The following WDR72 variants were observed in gnomAD, a reference collection of about 807,000 sequenced individuals.
WDR72 encodes the protein WD repeat-containing protein 72.
In WDR72, 120 loss-of-function variants were observed where a neutral mutation model predicts 124.2. The observed-to-expected ratio is 0.97, with a 90% CI of 0.83 to 1.12. The LOEUF (loss-of-function observed/expected upper bound fraction) is 1.12, where lower values mean the gene tolerates loss of function less well. WDR72 is among the 50% of genes most tolerant of loss of function. The probability of loss-of-function intolerance (pLI) is 0.00; values close to 1 mark genes in which losing one functional copy is unlikely to be tolerated. For missense variants in WDR72, 1,387 were observed against 1,278.8 expected (o/e 1.08, Z -1.29); for synonymous variants, 452 against 441.7 (o/e 1.02, Z -0.29).
At chr15:53,633,666 T>C (rs1487083468) in intron 14 of WDR72, among the ~76,000 whole-genome samples, 1 of 152,216 alleles carries the variant, frequency 6.6e-6, no homozygotes, top group Non-Finnish European at 1.5e-5. Flanking sequence ...ATTGTAGTCA[T>C]TGTACTGATT....
intron 17 of WDR72, among the ~76,000 whole-genome samples, chr15:53,606,258 T>A (rs1462540109): frequency 6.6e-6 from 1 of 152,198 alleles, no homozygotes; most frequent in African/African-American, 2.4e-5. Flanking sequence ...TTTTTAATAA[T>A]TTTTTCCCCA....
intron 13 of WDR72, among the ~76,000 whole-genome samples, chr15:53,667,944 A>G (rs2015836323): frequency 6.6e-6 from 1 of 152,214 alleles, no homozygotes; most frequent in Non-Finnish European, 1.5e-5. Flanking sequence ...TTTCATTCAT[A>G]CACAGATAAT....
intron 9 of WDR72, among the ~76,000 whole-genome samples, chr15:53,706,350 G>GTATATATATATA (rs56246540): frequency 2.7e-4 from 7 of 25,750 alleles, no homozygotes; most frequent in Non-Finnish European, 5.2e-4. Context: ...GTGTGTGTGT[G>GTATATATATATA]TATATATATA....
intron 1 of WDR72, among the ~76,000 whole-genome samples, chr15:53,739,401 C>A (rs2140876570): frequency 6.6e-6 from 1 of 152,318 alleles, no homozygotes; most frequent in South Asian, 2.1e-4. Flanking sequence ...ATTACTGCCT[C>A]TGATGGCAAC....
intron 1 of WDR72, among the ~76,000 whole-genome samples, chr15:53,752,721 C>T (rs761171582): frequency 2.0e-5 from 3 of 152,084 alleles, no homozygotes; most frequent in African/African-American, 4.8e-5. Context: ...TTGTTTCTTT[C>T]GAGTCAGAAT....
At chr15:53,706,366 A>ATATATGTGTGTG (rs2017370287) in intron 9 of WDR72, among the ~76,000 whole-genome samples, 1 of 49,402 alleles carries the variant, frequency 2.0e-5, no homozygotes, top group African/African-American at 7.8e-5. Flanking sequence ...ATATATATAT[A>ATATATGTGTGTG]TATATATATA....
In WDR72 at chr15:53,740,580, G is replaced by GC. The variant is rs200917140; in HGVS notation, c.-12-7420dup. On this transcript the variant is annotated intron_variant, in intron 1 of 19. Coordinates refer to ENST00000360509, the MANE Select transcript of WDR72 (RefSeq NM_182758.4). ...CAAAGTGCTGGGATTACAGGCGTGAGCCACGATTCAACTAATTTTGATGCT... is the reference window on the plus strand; with the variant it reads ...CAAAGTGCTGGGATTACAGGCGTGAGCCCACGATTCAACTAATTTTGATGCT... Among the ~76,000 whole-genome samples the GC allele has an allele frequency of 6.7e-3, 1,027 of 152,322 alleles. 12 individuals are homozygous for GC. Among genetic ancestry groups the GC allele is most frequent in the African/African-American group, 0.024 (977 of 41,566 alleles).
chr15:53,761,101 G>T (rs1388244464), upstream of WDR72, among the ~76,000 whole-genome samples: 1 of 152,112 alleles, frequency 6.6e-6, no homozygotes, highest in Non-Finnish European at 1.5e-5. Context: ...TCCAACCTGG[G>T]TGTCAGAGTG....
intron 5 of WDR72, 49 bp downstream of exon 5, chr15:53,715,144 A>G (rs1447584642): frequency 3.1e-6 from 5 of 1,589,020 alleles, no homozygotes; most frequent in Non-Finnish European, 4.3e-6. Flanking sequence ...TCAAAAGTAG[A>G]TATTTTTATA....
In WDR72 at chr15:53,551,875, C is replaced by A. The variant is rs976255332; in HGVS notation, c.3149-28553G>T. On this transcript the variant is annotated intron_variant, in intron 18 of 19. Coordinates refer to ENST00000360509, the MANE Select transcript of WDR72 (RefSeq NM_182758.4). ...ACACAGACACACACACACACACACA[C>A]AAACACACGCACATGTACATGCAAT... Among the ~76,000 whole-genome samples, 19 of 152,096 alleles carry A rather than the reference C, an allele frequency of 1.2e-4. 1 individual carries two copies. Among genetic ancestry groups the A allele is most frequent in the Admixed American group, 1.2e-3 (18 of 15,272 alleles).
intron 17 of WDR72, among the ~76,000 whole-genome samples, chr15:53,598,762 T>G (rs1028648124): frequency 6.6e-6 from 1 of 152,188 alleles, no homozygotes; most frequent in South Asian, 2.1e-4. Flanking sequence ...CATACTAACA[T>G]GAGGTACTGC....
chr15:53,562,039 C>T (rs1450596353), intron 18 of WDR72, among the ~76,000 whole-genome samples: 3 of 151,682 alleles, frequency 2.0e-5, no homozygotes, highest in Admixed American at 6.6e-5. Context: ...ACATTTTTAT[C>T]TCATGCTAGT....
At chr15:53,660,866 A>T (rs563530260) in intron 14 of WDR72, among the ~76,000 whole-genome samples, 4 of 152,138 alleles carry the variant, frequency 2.6e-5, no homozygotes, top group Non-Finnish European at 5.9e-5. Context: ...CACAGTGCAG[A>T]GGTTGGGATA....
intron 3 of WDR72, among the ~76,000 whole-genome samples, chr15:53,718,724 TA>T (rs59997617): frequency 0.011 from 1,695 of 151,742 alleles, 34 homozygotes; most frequent in African/African-American, 0.039. Context: ...CATTCTGTTA[TA>T]AAAAAATTAA....
chr15:53,532,187 G>C (rs745528125), intron 18 of WDR72, among the ~76,000 whole-genome samples: 1 of 152,196 alleles, frequency 6.6e-6, no homozygotes, highest in South Asian at 2.1e-4. Context: ...CTCATACACC[G>C]CTGGTGGGAA....
chr15:53,701,578 C>CAA (rs1286458057), intron 12 of WDR72, among the ~76,000 whole-genome samples: 4 of 151,556 alleles, frequency 2.6e-5, no homozygotes, highest in African/African-American at 9.7e-5. Flanking sequence ...CACACACACA[C>CAA]ACACACACAC....
chr15:53,552,127 CATGTGTGTGT>C (rs1175622762), intron 18 of WDR72, among the ~76,000 whole-genome samples: 1 of 79,220 alleles, frequency 1.3e-5, no homozygotes, highest in African/African-American at 4.2e-5. Context: ...CTATACCTAT[CATGTGTGTGT>C]GTGTGTGTGT....
chr15:53,537,405 G>C (rs1892820062), intron 18 of WDR72, among the ~76,000 whole-genome samples: 1 of 152,126 alleles, frequency 6.6e-6, no homozygotes, highest in Non-Finnish European at 1.5e-5. Context: ...GGGCTCTTCT[G>C]AAAAGGACAG....
intron 5 of WDR72, among the ~76,000 whole-genome samples, chr15:53,714,828 C>T (rs2017658856): frequency 6.6e-6 from 1 of 152,160 alleles, no homozygotes; most frequent in Non-Finnish European, 1.5e-5. Context: ...TCACTCATTA[C>T]AGAAACTGAA....
Sources: gnomAD v4.1 joint callset for allele counts (sites outside exome capture counted in the v4.1 genomes callset) on GRCh38, gnomAD v4.1.1 for gene constraint, MANE v1.5 for transcripts, NCBI Gene and HGNC (gene_info 2026-07-23, HGNC 2026-07-21) for gene names.